NAALADL2: variants seen among roughly 807,000 people sequenced by gnomAD.
The protein encoded by NAALADL2 is N-acetylated alpha-linked acidic dipeptidase like 2.
A neutral mutation model predicts 87.2 loss-of-function variants in NAALADL2; 76 were observed. The observed-to-expected ratio is 0.87, with a 90% CI of 0.72 to 1.05. NAALADL2 has a LOEUF of 1.05. Among genes scored for constraint, NAALADL2 ranks in the 50% least tolerant of loss-of-function variants. NAALADL2 has a pLI of 0.00. For synonymous variants in NAALADL2, 354 were observed against 331.0 expected, an observed-to-expected ratio of 1.07 and a Z score of -0.75; for missense variants, 1,089 against 945.8, an observed-to-expected ratio of 1.15 and a Z score of -1.99.
intron 9 of NAALADL2, among the ~76,000 whole-genome samples, chr3:175,508,200 T>C (rs1730625493): frequency 6.6e-6 from 1 of 152,194 alleles, no homozygotes; most frequent in Non-Finnish European, 1.5e-5. Flanking sequence ...TCATGAGGGA[T>C]CTGCCGCCAT....
intron 10 of NAALADL2, among the ~76,000 whole-genome samples, chr3:175,585,169 A>AT (rs1336722061): frequency 2.0e-5 from 3 of 151,148 alleles, no homozygotes; most frequent in Non-Finnish European, 3.0e-5. Context: ...ACTTTAAAAA[A>AT]TTTTTTTTGT....
intron 3 of NAALADL2, among the ~76,000 whole-genome samples, chr3:174,812,262 C>A (rs1180187433): frequency 6.6e-6 from 1 of 151,982 alleles, no homozygotes; most frequent in Non-Finnish European, 1.5e-5. Context: ...ACATTTTGGT[C>A]AATGAGGGAC....
At chr3:175,134,042 A>G (rs1728694317) in intron 2 of NAALADL2, among the ~76,000 whole-genome samples, 1 of 152,306 alleles carries the variant, frequency 6.6e-6, no homozygotes, top group Admixed American at 6.5e-5. Context: ...GTGTTTCTAT[A>G]GTTGTATACA....
In NAALADL2 at chr3:175,210,852, A is replaced by G. The variant is rs1741672626; in HGVS notation, c.546-23079A>G. On this transcript the variant is annotated intron_variant, in intron 2 of 13. Transcript: ENST00000454872. Reference sequence around the variant, plus strand: ...CAAAATTTAAAATATTAAAACATTTACTTTAAAACTTATATGCCTTTAAAA... The same window carrying G: ...CAAAATTTAAAATATTAAAACATTTGCTTTAAAACTTATATGCCTTTAAAA... Among the ~76,000 whole-genome samples the G allele has an allele frequency of 2.6e-5, 4 of 151,852 alleles. No homozygotes were observed. In the South Asian group the frequency reaches 6.2e-4, roughly 24 times the overall value.
intron 11 of NAALADL2, among the ~76,000 whole-genome samples, chr3:175,731,333 T>C (rs773550677): frequency 6.6e-6 from 1 of 152,174 alleles, no homozygotes; most frequent in African/African-American, 2.4e-5. Flanking sequence ...CTCTGATACC[T>C]AGTAGGTGCT....
intron 1 of NAALADL2, among the ~76,000 whole-genome samples, chr3:174,993,464 A>G (rs1747013889): frequency 6.6e-6 from 1 of 152,122 alleles, no homozygotes; most frequent in Non-Finnish European, 1.5e-5. Flanking sequence ...ACTAACAAGT[A>G]TAAAATTGTA....
At chr3:174,878,817 C>T (rs1262074664) in intron 1 of NAALADL2, among the ~76,000 whole-genome samples, 2 of 151,856 alleles carry the variant, frequency 1.3e-5, no homozygotes, top group Non-Finnish European at 2.9e-5. Flanking sequence ...ATAAAAAAAT[C>T]CTGTTAAATT....
chr3:174,491,274 A>AT (rs780872697), intron 1 of NAALADL2, among the ~76,000 whole-genome samples: 2 of 152,182 alleles, frequency 1.3e-5, no homozygotes, highest in Non-Finnish European at 2.9e-5. Context: ...GGCCATGATT[A>AT]TATAGCCATC....
chr3:175,221,579 T>G (rs1743371880), intron 2 of NAALADL2, among the ~76,000 whole-genome samples: 1 of 152,100 alleles, frequency 6.6e-6, no homozygotes, highest in Admixed American at 6.6e-5. Flanking sequence ...ATTTGCATTT[T>G]TTGGTACCTT....
chr3:174,709,968 CT>C (rs1361027917), intron 2 of NAALADL2, among the ~76,000 whole-genome samples: 13 of 152,032 alleles, frequency 8.6e-5, no homozygotes, highest in Non-Finnish European at 2.9e-5. Flanking sequence ...TTTATAAGGC[CT>C]TTGTTTATAA....
intron 1 of NAALADL2, among the ~76,000 whole-genome samples, chr3:174,546,316 T>G (rs925508603): frequency 7.2e-5 from 11 of 152,142 alleles, no homozygotes; most frequent in Non-Finnish European, 1.2e-4. Context: ...TTCCCAAGTT[T>G]GAGATATTCT....
At chr3:175,772,039 T>C (rs181533441) in intron 13 of NAALADL2, among the ~76,000 whole-genome samples, 1 of 152,254 alleles carries the variant, frequency 6.6e-6, no homozygotes, top group Admixed American at 6.5e-5. Flanking sequence ...GTGGGGATTA[T>C]GGGAACTACA....
chr3:174,859,624 T>C (rs2109526552), intron 1 of NAALADL2, among the ~76,000 whole-genome samples, 174 bp downstream of exon 1: 1 of 152,216 alleles, frequency 6.6e-6, no homozygotes, highest in East Asian at 1.9e-4. Context: ...AGGTGGAGAT[T>C]GTTGATTCAG....
chr3:175,778,538 T>C (rs1303639165), intron 13 of NAALADL2, among the ~76,000 whole-genome samples: 1 of 152,186 alleles, frequency 6.6e-6, no homozygotes, highest in African/African-American at 2.4e-5. Flanking sequence ...TTGAGAATTA[T>C]GGGGCTGTGG....
chr3:174,705,047 C>G (rs1262807626), intron 2 of NAALADL2, among the ~76,000 whole-genome samples: 1 of 152,084 alleles, frequency 6.6e-6, no homozygotes, highest in Non-Finnish European at 1.5e-5. Flanking sequence ...ATTATTTACC[C>G]AGTTTTTACA....
chr3:174,983,386 GA>G (rs1560440555), intron 1 of NAALADL2, among the ~76,000 whole-genome samples: 1 of 152,146 alleles, frequency 6.6e-6, no homozygotes, highest in African/African-American at 2.4e-5. Context: ...GTGAAAGTTA[GA>G]TAAAGAAGGT....
chr3:174,617,460 A>T (rs1203789864), intron 2 of NAALADL2, among the ~76,000 whole-genome samples: 2 of 151,706 alleles, frequency 1.3e-5, no homozygotes, highest in African/African-American at 4.8e-5. Flanking sequence ...ATTTAATATA[A>T]GAAAGTATAT....
intron 1 of NAALADL2, among the ~76,000 whole-genome samples, chr3:174,533,196 G>C (rs1721406553): frequency 6.6e-6 from 1 of 151,202 alleles, no homozygotes; most frequent in South Asian, 2.1e-4. Flanking sequence ...GGCAGGACTT[G>C]CGTCAGGAAT....
intron 1 of NAALADL2, among the ~76,000 whole-genome samples, chr3:174,469,941 T>C (rs1462518995): frequency 1.3e-5 from 2 of 152,222 alleles, no homozygotes; most frequent in Admixed American, 6.5e-5. Flanking sequence ...TTATATTGTC[T>C]CTACAATTAC....
Sources: gnomAD v4.1 joint callset for allele counts (sites outside exome capture counted in the v4.1 genomes callset) on GRCh38, gnomAD v4.1.1 for gene constraint, MANE v1.5 for transcripts, NCBI Gene and HGNC (gene_info 2026-07-23, HGNC 2026-07-21) for gene names.